The following NCR1 variants were observed in gnomAD, a reference collection of about 807,000 sequenced individuals.
NCR1 encodes the protein natural cytotoxicity triggering receptor 1.
In NCR1, 30 loss-of-function variants were observed where a neutral mutation model predicts 32.5. That is an observed-to-expected ratio of 0.92 (90% CI 0.69 to 1.25). The LOEUF is 1.25. NCR1 is among the 50% of genes most tolerant of loss of function. The probability of loss-of-function intolerance (pLI) is 0.00; values close to 1 mark genes in which losing one functional copy is unlikely to be tolerated. For synonymous variants in NCR1, 169 were observed against 143.4 expected (o/e 1.18, Z -1.28); for missense variants, 369 against 380.7 (o/e 0.97, Z 0.26).
intron 5 of NCR1, 100 bp downstream of exon 5, chr19:54,910,165 G>GAGCCACCACGCCTGGCCTC: frequency 8.3e-7 from 1 of 1,199,272 alleles, no homozygotes; most frequent in Non-Finnish European, 1.2e-6. Flanking sequence ...GGCCAGGCGT[G>GAGCCACCACGCCTGGCCTC]GTGGCTCACG....
At chr19:54,916,317 C>CTTTTTTTTTTTTTTTT (rs71181711), downstream of NCR1, among the ~76,000 whole-genome samples, 80 of 87,094 alleles carry the variant, frequency 9.2e-4, 10 homozygotes, top group African/African-American at 2.2e-3. Context: ...GAATATTGTG[C>CTTTTTTTTTTTTTTTT]TTTTTTTTTT....
At chr19:54,938,197 C>A in the NCR1 span, 13 of 1,614,034 alleles carry the variant, frequency 8.1e-6, no homozygotes, top group East Asian at 2.9e-4. Context: ...GCGAAGAGAG[C>A]GAAGATCCTG....
At chr19:54,901,767 A>G (rs1158736854), upstream of NCR1, among the ~76,000 whole-genome samples, 1 of 152,196 alleles carries the variant, frequency 6.6e-6, no homozygotes, top group Non-Finnish European at 1.5e-5. Context: ...CAGGAGTTCA[A>G]AACCAGCCTG....
At chr19:54,914,044 C>T (rs375813881), downstream of NCR1, among the ~76,000 whole-genome samples, 39 of 145,580 alleles carry the variant, frequency 2.7e-4, no homozygotes, top group Middle Eastern at 3.9e-3. Flanking sequence ...CTCCAGCCTA[C>T]GTGACAGAGC....
upstream of NCR1, among the ~76,000 whole-genome samples, chr19:54,904,522 T>C (rs1001780605): frequency 5.4e-5 from 8 of 147,736 alleles, no homozygotes; most frequent in Non-Finnish European, 1.2e-4. Flanking sequence ...TGGTATTTGG[T>C]TTTCTTTTCT....
the NCR1 span, chr19:54,923,515 G>A: frequency 2.3e-5 from 14 of 598,694 alleles, no homozygotes; most frequent in South Asian, 9.7e-5. Flanking sequence ...CAGCTGCAAC[G>A]AGAGTGCTCT....
At chr19:54,903,464 G>T (rs986053580), upstream of NCR1, among the ~76,000 whole-genome samples, 4 of 131,782 alleles carry the variant, frequency 3.0e-5, no homozygotes, top group African/African-American at 1.1e-4. Flanking sequence ...ATATATGTAT[G>T]TATACACGGA....
the NCR1 span, among the ~76,000 whole-genome samples, chr19:54,933,194 G>A: frequency 6.6e-6 from 1 of 152,110 alleles, no homozygotes; most frequent in Non-Finnish European, 1.5e-5. Flanking sequence ...CGCCCAGGCT[G>A]GAGTGCAGTG....
At chr19:54,903,334 A>C, upstream of NCR1, among the ~76,000 whole-genome samples, 1 of 134,658 alleles carries the variant, frequency 7.4e-6, no homozygotes, top group South Asian at 2.2e-4. Context: ...ATATACATGT[A>C]TGTATATACA....
chr19:54,927,143 C>T, the NCR1 span, among the ~76,000 whole-genome samples: 6 of 150,886 alleles, frequency 4.0e-5, no homozygotes, highest in Admixed American at 3.3e-4. Flanking sequence ...AATCCCACCA[C>T]TTTGGGAGGC....
the NCR1 span, among the ~76,000 whole-genome samples, chr19:54,937,215 CA>C: frequency 0.014 from 1,100 of 77,550 alleles, 9 homozygotes; most frequent in South Asian, 0.042. Context: ...GAGACTGTCT[CA>C]AAAAAAAAAA....
the NCR1 span, chr19:54,934,771 G>A: frequency 1.5e-5 from 13 of 858,174 alleles, no homozygotes; most frequent in Middle Eastern, 3.6e-4. The surrounding 1 kb of genome is among the most constrained non-coding windows in gnomAD (Gnocchi z 6.7). Flanking sequence ...ATGCAAAGGC[G>A]TGATCTCACC....
At chr19:54,927,954 G>A in the NCR1 span, among the ~76,000 whole-genome samples, 6 of 152,238 alleles carry the variant, frequency 3.9e-5, no homozygotes, top group Non-Finnish European at 5.9e-5. Flanking sequence ...TAGGCAGGGC[G>A]TGGGGACAGA....
the NCR1 span, among the ~76,000 whole-genome samples, chr19:54,935,826 T>C: frequency 6.6e-6 from 1 of 151,932 alleles, no homozygotes; most frequent in Non-Finnish European, 1.5e-5. Context: ...GATCATGCAC[T>C]CCATAGGATC....
the NCR1 span, chr19:54,930,549 C>G: frequency 2.5e-6 from 4 of 1,612,422 alleles, no homozygotes; most frequent in African/African-American, 5.3e-5. Context: ...GACAGAGAAT[C>G]CACAATCCAC....
downstream of NCR1, among the ~76,000 whole-genome samples, chr19:54,914,826 G>C (rs978101230): frequency 5.3e-5 from 8 of 149,632 alleles, no homozygotes; most frequent in African/African-American, 2.0e-4. Context: ...TGCAACCTTC[G>C]CCTCTGGGGC....
the NCR1 span, chr19:54,933,421 A>G: frequency 1.0e-6 from 1 of 966,396 alleles, no homozygotes; most frequent in Non-Finnish European, 1.6e-6. Context: ...CTGGGATTAC[A>G]GGCATGAGCC....
chr19:54,900,769 A>G, the NCR1 span, among the ~76,000 whole-genome samples: 1 of 152,126 alleles, frequency 6.6e-6, no homozygotes, highest in East Asian at 1.9e-4. Context: ...GAGACAGAAG[A>G]TGAGTGGTTG....
the NCR1 span, chr19:54,934,372 C>T: frequency 1.0e-6 from 1 of 1,004,970 alleles, no homozygotes; most frequent in Non-Finnish European, 1.6e-6. This position sits in a 1 kb window ranked among gnomAD's most constrained non-coding sequence, Gnocchi z 6.7. Flanking sequence ...GGGCCTGAAG[C>T]AGGTGTTTAT....
Sources: gnomAD v4.1 joint callset for allele counts (sites outside exome capture counted in the v4.1 genomes callset) on GRCh38, gnomAD v4.1.1 for gene constraint, Gnocchi (gnomAD v3.1) non-coding constraint, MANE v1.5 for transcripts, NCBI Gene and HGNC (gene_info 2026-07-23, HGNC 2026-07-21) for gene names.